The following SLC8A1 variants were observed in gnomAD, a reference collection of about 807,000 sequenced individuals.
SLC8A1 encodes the protein solute carrier family 8 member A1.
Under a neutral mutation model 68.3 loss-of-function variants are expected in SLC8A1, and 18 were observed. The observed-to-expected ratio is 0.26, with a 90% confidence interval of 0.18 to 0.39. The LOEUF (loss-of-function observed/expected upper bound fraction) is 0.39, where lower values mean the gene tolerates loss of function less well. Among genes scored for constraint, SLC8A1 ranks in the 10% least tolerant of loss-of-function variants. The pLI, the probability that SLC8A1 is intolerant of heterozygous loss-of-function variation, is 1.00. For synonymous variants in SLC8A1, 475 were observed against 415.5 expected (o/e 1.14, Z -1.74); for missense variants, 985 against 1,156.7 (o/e 0.85, Z 2.15).
chr2:40,240,548 C>G (rs1341229673), intron 2 of SLC8A1, among the ~76,000 whole-genome samples: 1 of 152,190 alleles, frequency 6.6e-6, no homozygotes, highest in Non-Finnish European at 1.5e-5. Context: ...CCCAGAGAGG[C>G]TGTCTCTCTA....
chr2:40,242,015 A>C (rs1041669453), intron 2 of SLC8A1, among the ~76,000 whole-genome samples: 1 of 152,154 alleles, frequency 6.6e-6, no homozygotes, highest in African/African-American at 2.4e-5. Flanking sequence ...ATAGTTTGCT[A>C]CTAACTTCGG....
chr2:40,375,779 G>T (rs574314207), intron 2 of SLC8A1, among the ~76,000 whole-genome samples: 1 of 152,254 alleles, frequency 6.6e-6, no homozygotes, highest in East Asian at 1.9e-4. Flanking sequence ...AAGGCAGGCA[G>T]ATTGCTTGAG....
chr2:40,177,258 C>A (rs2048646145), intron 3 of SLC8A1, among the ~76,000 whole-genome samples: 1 of 152,106 alleles, frequency 6.6e-6, no homozygotes, highest in African/African-American at 2.4e-5. Context: ...AAACTGTGTT[C>A]TCCAAAGAAG....
chr2:40,175,826 C>T (rs2048371019), intron 3 of SLC8A1: 1 of 235,060 alleles, frequency 4.3e-6, no homozygotes, highest in South Asian at 4.6e-5. Context: ...AAGTTTAGCC[C>T]AAGGTAAAGC....
intron 4 of SLC8A1, 131 bp from the exon 8 acceptor site, chr2:40,165,115 G>C: frequency 1.9e-6 from 2 of 1,072,952 alleles, no homozygotes; most frequent in Middle Eastern, 2.1e-4. Context: ...GTGAGATCAC[G>C]ATGCTGGAGG....
chr2:40,460,101 G>C (rs922208229), intron 1 of SLC8A1, among the ~76,000 whole-genome samples: 2 of 152,144 alleles, frequency 1.3e-5, no homozygotes, highest in Non-Finnish European at 2.9e-5. Context: ...GCCTAAAGCA[G>C]ATTACAACTC....
chr2:40,115,203 T>G, exon 8 of SLC8A1: 1 of 1,209,162 alleles, frequency 8.3e-7, no homozygotes, highest in Non-Finnish European at 1.1e-6. Context: ...ATACATAATT[T>G]TTATGTATAT....
At chr2:40,444,196 A>T (rs1436741239) in intron 1 of SLC8A1, among the ~76,000 whole-genome samples, 1 of 152,048 alleles carries the variant, frequency 6.6e-6, no homozygotes. Context: ...AAAATTAGCC[A>T]GGCACAGTGA....
At chr2:40,373,035 A>T (rs1173294552) in intron 2 of SLC8A1, among the ~76,000 whole-genome samples, 2 of 100,356 alleles carry the variant, frequency 2.0e-5, no homozygotes, top group East Asian at 4.3e-4. Context: ...CTTAAGGGGG[A>T]AAAAAAAATT....
At chr2:40,508,182 C>T (rs1417360111) in intron 1 of SLC8A1, among the ~76,000 whole-genome samples, 1 of 152,048 alleles carries the variant, frequency 6.6e-6, no homozygotes. Flanking sequence ...GAATCTAACA[C>T]ATTGCTCAGA....
At chr2:40,240,348 A>G (rs1164666650) in intron 2 of SLC8A1, among the ~76,000 whole-genome samples, 1 of 152,126 alleles carries the variant, frequency 6.6e-6, no homozygotes, top group Non-Finnish European at 1.5e-5. Context: ...TGAGGGGTAG[A>G]AAATACTCTA....
chr2:40,230,701 ATGT>A (rs773522902), intron 2 of SLC8A1, among the ~76,000 whole-genome samples: 9 of 152,214 alleles, frequency 5.9e-5, no homozygotes, highest in East Asian at 1.9e-4. Context: ...TTAATGCAAA[ATGT>A]TGTAAGCAAA....
intron 1 of SLC8A1, among the ~76,000 whole-genome samples, chr2:40,478,099 T>C (rs1704403048): frequency 6.6e-6 from 1 of 152,170 alleles, no homozygotes; most frequent in Non-Finnish European, 1.5e-5. Flanking sequence ...TTCTTTTTCT[T>C]CCTGTTCTCT....
At chr2:40,475,431 C>A (rs781407076) in intron 1 of SLC8A1, among the ~76,000 whole-genome samples, 1 of 151,900 alleles carries the variant, frequency 6.6e-6, no homozygotes, top group Non-Finnish European at 1.5e-5. Flanking sequence ...CCGTGCCCGG[C>A]CTATAAAAAT....
intron 1 of SLC8A1, among the ~76,000 whole-genome samples, chr2:40,467,200 G>T (rs1703730861): frequency 6.6e-6 from 1 of 152,126 alleles, no homozygotes; most frequent in Admixed American, 6.5e-5. Context: ...CAGAAGGGTT[G>T]CTCAGCTTCA....
chr2:40,280,197 T>C (rs2067306346), intron 2 of SLC8A1, among the ~76,000 whole-genome samples: 1 of 134,850 alleles, frequency 7.4e-6, no homozygotes, highest in African/African-American at 2.9e-5. Flanking sequence ...CTCTAAAATA[T>C]GAATGTCTGC....
At chr2:40,209,894 G>C (rs1013150101) in intron 2 of SLC8A1, 1 of 152,278 alleles carries the variant, frequency 6.6e-6, no homozygotes, top group Admixed American at 6.5e-5. Flanking sequence ...CAGAGGAAAT[G>C]GACTAGGGAA....
chr2:40,236,215 T>C (rs1158408702), intron 2 of SLC8A1, among the ~76,000 whole-genome samples: 2 of 151,404 alleles, frequency 1.3e-5, no homozygotes, highest in African/African-American at 4.9e-5. Context: ...AAGTCTCCCA[T>C]TATTAATGTG....
At chr2:40,501,682 A>C (rs975608831) in intron 1 of SLC8A1, among the ~76,000 whole-genome samples, 1 of 152,108 alleles carries the variant, frequency 6.6e-6, no homozygotes, top group African/African-American at 2.4e-5. Flanking sequence ...ATGTACTTCA[A>C]TGTGTGGATG....
Sources: gnomAD v4.1 joint callset for allele counts (sites outside exome capture counted in the v4.1 genomes callset) on GRCh38, gnomAD v4.1.1 for gene constraint, MANE v1.5 for transcripts, NCBI Gene and HGNC (gene_info 2026-07-23, HGNC 2026-07-21) for gene names.